Variants in TESK2 observed in about 807,000 individuals in gnomAD.
The protein encoded by TESK2 is testis associated actin remodelling kinase 2, also known as dual specificity testis-specific protein kinase 2.
A neutral mutation model predicts 57.1 loss-of-function variants in TESK2; 39 were observed. That is an observed-to-expected ratio of 0.68 (90% CI 0.53 to 0.89). The LOEUF is 0.89. Ranked by LOEUF, TESK2 falls within the 40% of genes least tolerant of loss-of-function variation. The pLI is 0.00. For synonymous variants in TESK2, 249 were observed against 267.9 expected (o/e 0.93, Z 0.69); for missense variants, 646 against 732.1 (o/e 0.88, Z 1.36).
At chr1:45,455,743 T>C (rs1388483053) in intron 2 of TESK2, among the ~76,000 whole-genome samples, 1 of 152,138 alleles carries the variant, frequency 6.6e-6, no homozygotes, top group East Asian at 1.9e-4. Context: ...GCTAAGATGG[T>C]AAATTTATGT....
intron 1 of TESK2, among the ~76,000 whole-genome samples, chr1:45,467,406 G>A (rs1352782075): frequency 6.6e-6 from 1 of 151,688 alleles, no homozygotes; most frequent in African/African-American, 2.4e-5. Flanking sequence ...GTACAGTGGT[G>A]CGATCATGGC....
Position 45,469,546 on chromosome 1 carries a change from T to C in TESK2, c.-86-11675A>G, listed in dbSNP as rs75867077. 3.2e-3 allele frequency among the ~76,000 whole-genome samples: 492 copies of C among 152,314 alleles called. 3 individuals carry two copies. Among genetic ancestry groups the C allele is most frequent in the African/African-American group, 0.011 (471 of 41,570 alleles). ...AACCTAAGCACTTCCCATTATAACA[T>C]GTCTCCTTCAGAAATACATCAAATT... On this transcript the variant is annotated intron_variant, in intron 1 of 10. Transcript: ENST00000372086.
intron 4 of TESK2, among the ~76,000 whole-genome samples, chr1:45,384,965 CT>C (rs1198041539): frequency 2.0e-5 from 3 of 152,092 alleles, no homozygotes; most frequent in Non-Finnish European, 2.9e-5. Flanking sequence ...AAGAGAGAGA[CT>C]GAGGCACATG....
chr1:45,345,665 C>T, intron 10 of TESK2, 107 bp from the exon 11 acceptor site: 1 of 1,116,690 alleles, frequency 9.0e-7, no homozygotes, highest in Non-Finnish European at 1.3e-6. Context: ...TACCATGGCC[C>T]TGTTTTACCA....
At chr1:45,434,324 C>T (rs1455750397) in intron 2 of TESK2, among the ~76,000 whole-genome samples, 1 of 149,354 alleles carries the variant, frequency 6.7e-6, no homozygotes, top group Non-Finnish European at 1.5e-5. Flanking sequence ...AAGACAGGGT[C>T]CTGCTCTATT....
chr1:45,396,913 G>A (rs1649393162), intron 3 of TESK2, among the ~76,000 whole-genome samples: 1 of 145,944 alleles, frequency 6.9e-6, no homozygotes, highest in South Asian at 2.2e-4. Flanking sequence ...CCACCTCCCA[G>A]GTTCAGGGGA....
intron 4 of TESK2, among the ~76,000 whole-genome samples, chr1:45,372,837 G>T (rs142954351): frequency 2.6e-5 from 4 of 151,678 alleles, no homozygotes; most frequent in Non-Finnish European, 5.9e-5. Flanking sequence ...TTCGAGACCA[G>T]CCTCAACATG....
chr1:45,489,787 CA>C (rs11404898), intron 1 of TESK2, among the ~76,000 whole-genome samples: 2 of 151,520 alleles, frequency 1.3e-5, no homozygotes, highest in African/African-American at 4.8e-5. Context: ...GAGACTCCGT[CA>C]AAAAAAACAA....
intron 9 of TESK2, 60 bp from the exon 10 acceptor site, chr1:45,346,054 T>C: frequency 2.4e-6 from 3 of 1,264,326 alleles, no homozygotes; most frequent in Non-Finnish European, 3.5e-6. Flanking sequence ...AAAGATGGCA[T>C]TTGAGTCTAT....
chr1:45,481,738 G>A (rs1277992279), intron 1 of TESK2, among the ~76,000 whole-genome samples: 1 of 151,970 alleles, frequency 6.6e-6, no homozygotes, highest in African/African-American at 2.4e-5. Context: ...TTAAGAAAAA[G>A]TTAGGTATGC....
intron 1 of TESK2, among the ~76,000 whole-genome samples, chr1:45,486,782 TACACACACACACACACACACAC>T (rs71052887): frequency 8.6e-5 from 10 of 115,890 alleles, no homozygotes; most frequent in South Asian, 2.9e-4. Context: ...CCTCCCAGCA[TACACACACACACACACACACAC>T]ACACACACAC....
At chr1:45,431,362 G>T (rs1403503568) in intron 2 of TESK2, among the ~76,000 whole-genome samples, 1 of 152,026 alleles carries the variant, frequency 6.6e-6, no homozygotes, top group Non-Finnish European at 1.5e-5. Context: ...AGGTTGCAGT[G>T]AGCCAAGATT....
chr1:45,487,236 A>G (rs376230747), intron 1 of TESK2, among the ~76,000 whole-genome samples: 1 of 152,178 alleles, frequency 6.6e-6, no homozygotes. Context: ...AGAGAATAAC[A>G]CATCATACAT....
At chr1:45,345,830 A>G (rs766994146) in intron 10 of TESK2, 47 bp downstream of exon 10, 1 of 1,501,962 alleles carries the variant, frequency 6.7e-7, no homozygotes, top group Non-Finnish European at 9.2e-7. Context: ...CCACATCCGA[A>G]TTTCCTCCCT....
chr1:45,407,151 T>C (rs1649879025), intron 3 of TESK2, among the ~76,000 whole-genome samples: 1 of 152,160 alleles, frequency 6.6e-6, no homozygotes, highest in Non-Finnish European at 1.5e-5. Context: ...AGCGGTGTGA[T>C]TACAGCTCAC....
intron 2 of TESK2, among the ~76,000 whole-genome samples, chr1:45,435,643 G>A (rs1651174187): frequency 9.0e-6 from 1 of 110,650 alleles, no homozygotes; most frequent in Non-Finnish European, 1.8e-5. Context: ...TTTTTTTTAA[G>A]ACCCAGAATA....
chr1:45,418,556 TAGAA>T (rs1348003782), intron 3 of TESK2, among the ~76,000 whole-genome samples: 2 of 152,208 alleles, frequency 1.3e-5, no homozygotes, highest in Non-Finnish European at 2.9e-5. Flanking sequence ...AGAAGCCTGG[TAGAA>T]AGAACATAGG....
intron 1 of TESK2, among the ~76,000 whole-genome samples, chr1:45,487,974 G>A (rs1441546205): frequency 1.3e-5 from 2 of 151,056 alleles, no homozygotes; most frequent in Non-Finnish European, 2.9e-5. Flanking sequence ...GAGTGCAGTG[G>A]TACAATCTTG....
At chr1:45,388,785 ATCTCGGCTCACTGCAAGC>A (rs1649013812) in intron 3 of TESK2, among the ~76,000 whole-genome samples, 1 of 146,274 alleles carries the variant, frequency 6.8e-6, no homozygotes, top group Admixed American at 7.1e-5. Context: ...CAGTGGCGCA[ATCTCGGCTCACTGCAAGC>A]TCCGCCTCCC....
Sources: allele counts gnomAD v4.1 joint callset (sites outside exome capture counted in the v4.1 genomes callset), GRCh38; gene constraint gnomAD v4.1.1; transcripts MANE v1.5; gene names NCBI Gene and HGNC (gene_info 2026-07-23, HGNC 2026-07-21).